The following SSBP2 variants were observed in gnomAD, a reference collection of about 807,000 sequenced individuals.
SSBP2 encodes the protein single stranded DNA binding protein 2.
SSBP2 carries 17 observed loss-of-function variants against 61.8 expected under a neutral mutation model. The ratio of observed to expected loss-of-function variants is 0.28; its 90% CI spans 0.19 to 0.41. The LOEUF (loss-of-function observed/expected upper bound fraction) is 0.41. Among genes scored for constraint, SSBP2 ranks in the 10% least tolerant of loss-of-function variants. SSBP2 has a pLI of 1.00. For synonymous variants in SSBP2, 139 were observed against 141.3 expected, an observed-to-expected ratio of 0.98 and a Z score of 0.12; for missense variants, 310 against 458.7, an observed-to-expected ratio of 0.68 and a Z score of 2.96.
At chr5:81,532,398 T>C (rs577175229) in intron 4 of SSBP2, among the ~76,000 whole-genome samples, 8 of 152,162 alleles carry the variant, frequency 5.3e-5, no homozygotes, top group African/African-American at 1.7e-4. Flanking sequence ...AGGAAAATTA[T>C]ATTGCAGATA....
chr5:81,473,799 G>A (rs778015744), intron 7 of SSBP2, 29 bp from the exon 8 acceptor site: 30 of 1,601,538 alleles, frequency 1.9e-5, no homozygotes, highest in Non-Finnish European at 2.4e-5. Context: ...CATTAGCAAA[G>A]TAATGAGCAT....
chr5:81,487,107 T>A (rs1383293069), intron 6 of SSBP2, among the ~76,000 whole-genome samples: 1 of 152,148 alleles, frequency 6.6e-6, no homozygotes, highest in Non-Finnish European at 1.5e-5. Flanking sequence ...ACAGTATGAA[T>A]GAAAAAGAGA....
chr5:81,568,293 G>A (rs1773588245), intron 4 of SSBP2, among the ~76,000 whole-genome samples: 1 of 152,144 alleles, frequency 6.6e-6, no homozygotes, highest in African/African-American at 2.4e-5. Flanking sequence ...TAGTGAATAA[G>A]CCTCAAGAGA....
chr5:81,484,260 G>A (rs1766220160), intron 6 of SSBP2, among the ~76,000 whole-genome samples: 1 of 152,040 alleles, frequency 6.6e-6, no homozygotes, highest in Admixed American at 6.6e-5. Flanking sequence ...AGATAATGAG[G>A]TATGTTTTGG....
upstream of SSBP2, chr5:81,751,139 C>T: frequency 3.1e-6 from 4 of 1,309,990 alleles, no homozygotes; most frequent in Admixed American, 2.0e-5. Context: ...ACGCAGCCAC[C>T]CCCACTATTG....
chr5:81,502,233 T>C (rs571683252), intron 5 of SSBP2, among the ~76,000 whole-genome samples: 5 of 152,304 alleles, frequency 3.3e-5, no homozygotes, highest in East Asian at 1.9e-4. Context: ...CTGTGAGCCA[T>C]TGACTAATTT....
chr5:81,575,754 T>C (rs1385962937), intron 4 of SSBP2, among the ~76,000 whole-genome samples: 2 of 152,158 alleles, frequency 1.3e-5, no homozygotes, highest in African/African-American at 2.4e-5. Context: ...TATGAGGCTG[T>C]AGAAAATTTG....
At chr5:81,530,641 T>C (rs1770318132) in intron 4 of SSBP2, among the ~76,000 whole-genome samples, 1 of 152,108 alleles carries the variant, frequency 6.6e-6, no homozygotes, top group African/African-American at 2.4e-5. Flanking sequence ...TCATTTCCTA[T>C]AGGAGAAAAC....
At chr5:81,644,637 CTTT>C (rs1163651829) in intron 2 of SSBP2, among the ~76,000 whole-genome samples, 2 of 152,112 alleles carry the variant, frequency 1.3e-5, no homozygotes, top group African/African-American at 2.4e-5. Flanking sequence ...AAGTGAGAAT[CTTT>C]CATACAAAAG....
rs184368134 is a variant in SSBP2 at position 81,734,896 on chromosome 5, G to C, written c.62+16085C>G. 5.1e-3 allele frequency among the ~76,000 whole-genome samples: 771 copies of C among 150,176 alleles called. 6 individuals carry two copies. The highest frequency in any genetic ancestry group is 0.018 in the African/African-American group (732 of 40,758). On this transcript the variant is annotated intron_variant, in intron 1 of 16. Coordinates refer to ENST00000320672, the MANE Select transcript of SSBP2 (RefSeq NM_012446.5). ...TGAGGCAGGATAATGGTGTGAACCC[G>C]GGAGGAGGAGCTTGCAGTGAGCCGA...
chr5:81,589,031 C>T (rs1406227097), intron 4 of SSBP2, among the ~76,000 whole-genome samples: 1 of 152,164 alleles, frequency 6.6e-6, no homozygotes, highest in Admixed American at 6.5e-5. Flanking sequence ...TGCCACTGCA[C>T]TCAGTCTGGG....
At chr5:81,493,754 T>A (rs1767074399) in intron 5 of SSBP2, among the ~76,000 whole-genome samples, 1 of 139,520 alleles carries the variant, frequency 7.2e-6, no homozygotes, top group Admixed American at 7.2e-5. Flanking sequence ...AGACTCCATC[T>A]CAAAAAAAAA....
chr5:81,712,995 T>A (rs1441137701), intron 1 of SSBP2, among the ~76,000 whole-genome samples: 1 of 152,044 alleles, frequency 6.6e-6, no homozygotes. Context: ...CCCAAATTAC[T>A]GGGATTACAG....
chr5:81,631,415 A>T (rs1441220587), intron 3 of SSBP2, among the ~76,000 whole-genome samples: 1 of 151,964 alleles, frequency 6.6e-6, no homozygotes, highest in Admixed American at 6.5e-5. Context: ...TTTTCCTCTT[A>T]AAGATGCTAA....
chr5:81,450,037 A>T (rs907201170), intron 10 of SSBP2, among the ~76,000 whole-genome samples: 1 of 151,790 alleles, frequency 6.6e-6, no homozygotes, highest in African/African-American at 2.4e-5. Flanking sequence ...TCCGCTTCTC[A>T]TTTTCTTGGA....
chr5:81,668,261 A>AC (rs1303936609), intron 1 of SSBP2, among the ~76,000 whole-genome samples: 1 of 149,872 alleles, frequency 6.7e-6, no homozygotes, highest in African/African-American at 2.5e-5. Context: ...AAAAAAAAAA[A>AC]AAAAAAAAAA....
intron 4 of SSBP2, among the ~76,000 whole-genome samples, chr5:81,583,432 AT>A (rs1346398781): frequency 6.6e-6 from 1 of 152,056 alleles, no homozygotes; most frequent in Non-Finnish European, 1.5e-5. Context: ...GATTGAGACC[AT>A]CCTGGCTAAC....
rs1561459590 is a variant in SSBP2 at position 81,488,060 on chromosome 5, A to ATACATTATATAT, written c.432+1189_432+1190insATATATAATGTA. 1.8e-4 allele frequency among the ~76,000 whole-genome samples: 10 copies of ATACATTATATAT among 56,814 alleles called. 1 individual carries two copies. The highest frequency in any genetic ancestry group is 3.0e-4 in the Non-Finnish European group (9 of 30,178). The allele number at this position is 56,814 out of a possible 152,430, so 37.3% of individuals were successfully genotyped here. ...ATATATATATATATATATATATATA[A>ATACATTATATAT]ATAAAATATCATATATTATATATAT... On this transcript the variant is annotated intron_variant, in intron 6 of 16. Transcript: ENST00000320672.
chr5:81,586,334 C>T (rs1217207891), intron 4 of SSBP2, among the ~76,000 whole-genome samples: 2 of 152,112 alleles, frequency 1.3e-5, no homozygotes, highest in Non-Finnish European at 2.9e-5. Context: ...TTTTTGATAA[C>T]AGCCATCTTA....
Sources: allele counts gnomAD v4.1 joint callset (sites outside exome capture counted in the v4.1 genomes callset), GRCh38; gene constraint gnomAD v4.1.1; transcripts MANE v1.5; gene names NCBI Gene and HGNC (gene_info 2026-07-23, HGNC 2026-07-21).